The following MEF2C variants were observed in gnomAD, a reference collection of about 807,000 sequenced individuals.
MEF2C encodes myocyte enhancer factor 2C.
A neutral mutation model predicts 50.5 loss-of-function variants in MEF2C; 6 were observed. That is an observed-to-expected ratio of 0.12 (90% CI 0.07 to 0.23). MEF2C has a LOEUF of 0.23. MEF2C is among the 10% of genes least tolerant of loss of function. The probability of loss-of-function intolerance (pLI) is 1.00; values close to 1 mark genes in which losing one functional copy is unlikely to be tolerated. For missense variants in MEF2C, 276 were observed against 605.0 expected (o/e 0.46, Z 5.70); for synonymous variants, 183 against 228.0 (o/e 0.80, Z 1.78).
At chr5:88,883,253 A>AC (rs1249825110), upstream of MEF2C, 2 of 133,600 alleles carry the variant, frequency 1.5e-5, no homozygotes, top group African/African-American at 5.6e-5. Flanking sequence ...AGCGCGCGCG[A>AC]GGGGGGGGGC....
At chr5:88,834,841 A>G (rs1814446704) in intron 1 of MEF2C, among the ~76,000 whole-genome samples, 1 of 152,166 alleles carries the variant, frequency 6.6e-6, no homozygotes, top group Non-Finnish European at 1.5e-5. Flanking sequence ...TACACATTCT[A>G]TTATGAGGTT....
chr5:88,819,648 C>G (rs1807304151), intron 2 of MEF2C, among the ~76,000 whole-genome samples: 1 of 151,970 alleles, frequency 6.6e-6, no homozygotes, highest in Non-Finnish European at 1.5e-5. Context: ...ATTATTCTTT[C>G]ATAGCACATA....
chr5:88,758,707 C>G (rs565412228), intron 4 of MEF2C, among the ~76,000 whole-genome samples: 153 of 152,236 alleles, frequency 1.0e-3, no homozygotes, highest in African/African-American at 3.5e-3. Flanking sequence ...GGCTTTTCAT[C>G]GTGAAGACTG....
intron 2 of MEF2C, chr5:88,819,412 T>G: frequency 2.0e-6 from 2 of 983,210 alleles, no homozygotes; most frequent in Non-Finnish European, 2.4e-6. Flanking sequence ...ATCTGGGTCC[T>G]GTCTAACATC....
chr5:88,820,567 CTT>C (rs1345498840), intron 2 of MEF2C, among the ~76,000 whole-genome samples: 4 of 151,956 alleles, frequency 2.6e-5, no homozygotes, highest in Non-Finnish European at 5.9e-5. Context: ...AAAAACATAA[CTT>C]ATTCTGTGTA....
At chr5:88,779,601 TTGTGTGTGTGTG>T (rs58856249) in intron 3 of MEF2C, among the ~76,000 whole-genome samples, 1 of 148,030 alleles carries the variant, frequency 6.8e-6, no homozygotes, top group Non-Finnish European at 1.5e-5. Context: ...TTGTGTAGGT[TTGTGTGTGTGTG>T]TGTGTGTGTG....
chr5:88,741,063 T>C, intron 6 of MEF2C: 3 of 985,450 alleles, frequency 3.0e-6, no homozygotes, highest in Non-Finnish European at 3.6e-6. Flanking sequence ...TGTTGCACTG[T>C]ACTGTACTGC....
At chr5:88,735,712 C>A in intron 6 of MEF2C, 5 of 985,270 alleles carry the variant, frequency 5.1e-6, no homozygotes, top group Non-Finnish European at 6.0e-6. Context: ...ATTTTTCTCC[C>A]CAGTTAACTT....
intron 1 of MEF2C, among the ~76,000 whole-genome samples, chr5:88,857,362 A>G (rs1470573951): frequency 1.3e-5 from 2 of 152,150 alleles, no homozygotes; most frequent in African/African-American, 4.8e-5. Flanking sequence ...CATGCTTTTG[A>G]TAGGTGGAAG....
chr5:88,890,049 C>T (rs1176607740), intron 1 of MEF2C, among the ~76,000 whole-genome samples: 1 of 152,158 alleles, frequency 6.6e-6, no homozygotes, highest in Non-Finnish European at 1.5e-5. Context: ...GAGTTTTTCA[C>T]CTGACAGACC....
At chr5:88,738,047 G>T in intron 6 of MEF2C, 1 of 985,272 alleles carries the variant, frequency 1.0e-6, no homozygotes, top group Non-Finnish European at 1.2e-6. Flanking sequence ...ATGAGGCAGC[G>T]CAGAGAGAAA....
At chr5:88,725,753 T>C (rs1758427583) in intron 10 of MEF2C, among the ~76,000 whole-genome samples, 1 of 152,156 alleles carries the variant, frequency 6.6e-6, no homozygotes, top group Non-Finnish European at 1.5e-5. Context: ...GCCTGGAAAT[T>C]AGACTATCAA....
chr5:88,749,140 A>G, intron 5 of MEF2C, 23 bp from the exon 6 acceptor site: 1 of 1,552,620 alleles, frequency 6.4e-7, no homozygotes, highest in East Asian at 2.4e-5. Flanking sequence ...GAGGAAGATC[A>G]AAACGAGAAA....
At chr5:88,744,499 C>G (rs589088) in intron 6 of MEF2C, among the ~76,000 whole-genome samples, 74,322 of 151,912 alleles carry the variant, frequency 0.49, 19,458 homozygotes, top group East Asian at 0.59. Flanking sequence ...GTTGCAGTGA[C>G]CTGAGATCAC....
At chr5:88,737,011 G>C (rs968783771) in intron 6 of MEF2C, 1 of 985,088 alleles carries the variant, frequency 1.0e-6, no homozygotes, top group African/African-American at 1.7e-5. Context: ...ATTAGTGGCA[G>C]CGATAATACA....
At chr5:88,855,711 C>T (rs1318724448) in intron 1 of MEF2C, among the ~76,000 whole-genome samples, 2 of 152,218 alleles carry the variant, frequency 1.3e-5, no homozygotes, top group African/African-American at 4.8e-5. Context: ...TCACTTGGCA[C>T]TCATTCTCTT....
At chr5:88,818,054 T>A (rs1356672448) in intron 2 of MEF2C, among the ~76,000 whole-genome samples, 2 of 151,972 alleles carry the variant, frequency 1.3e-5, no homozygotes, top group Non-Finnish European at 2.9e-5. Flanking sequence ...TGACTACAGT[T>A]AATATATCTT....
chr5:88,748,455 A>G (rs1308975229), intron 6 of MEF2C, among the ~76,000 whole-genome samples: 2 of 152,214 alleles, frequency 1.3e-5, no homozygotes, highest in African/African-American at 4.8e-5. Flanking sequence ...TAATCTCAAT[A>G]TTACAAATTA....
At chr5:88,813,449 C>T (rs930808803) in intron 2 of MEF2C, among the ~76,000 whole-genome samples, 1 of 151,850 alleles carries the variant, frequency 6.6e-6, no homozygotes, top group Non-Finnish European at 1.5e-5. Context: ...ACGCCTGCCC[C>T]CTCCCTCACC....
Sources: gnomAD v4.1 joint callset for allele counts (sites outside exome capture counted in the v4.1 genomes callset) on GRCh38, gnomAD v4.1.1 for gene constraint, MANE v1.5 for transcripts, NCBI Gene and HGNC (gene_info 2026-07-23, HGNC 2026-07-21) for gene names.